IL1R1: variants seen among roughly 807,000 people sequenced by gnomAD.
The protein encoded by IL1R1 is interleukin 1 receptor type 1.
IL1R1 carries 22 observed loss-of-function variants against 50.2 expected under a neutral mutation model. The ratio of observed to expected loss-of-function variants is 0.44; its 90% CI spans 0.31 to 0.63. The LOEUF is 0.63. Ranked by LOEUF, IL1R1 falls within the 20% of genes least tolerant of loss-of-function variation. The pLI is 0.07. For synonymous variants in IL1R1, 251 were observed against 236.7 expected (o/e 1.06, Z -0.55); for missense variants, 509 against 676.2 (o/e 0.75, Z 2.74).
At chr2:102,112,845 T>A (rs1159236030) in intron 1 of IL1R1, among the ~76,000 whole-genome samples, 1 of 152,058 alleles carries the variant, frequency 6.6e-6, no homozygotes, top group Non-Finnish European at 1.5e-5. Flanking sequence ...CCAGTGATGG[T>A]GTTAGGAGGT....
At chr2:102,118,142 G>A (rs1681192997) in intron 1 of IL1R1, among the ~76,000 whole-genome samples, 1 of 152,098 alleles carries the variant, frequency 6.6e-6, no homozygotes, top group South Asian at 2.1e-4. Flanking sequence ...TTAGAAGCTT[G>A]GGAATTTCAG....
At chr2:102,176,273 A>G in intron 11 of IL1R1, 80 bp from the exon 12 acceptor site, 1 of 1,272,872 alleles carries the variant, frequency 7.9e-7, no homozygotes, top group Non-Finnish European at 1.1e-6. Flanking sequence ...CGGTTGTGAA[A>G]AGCCTTGTGT....
chr2:102,155,864 C>T (rs1446073092), intron 2 of IL1R1, among the ~76,000 whole-genome samples: 1 of 152,162 alleles, frequency 6.6e-6, no homozygotes, highest in African/African-American at 2.4e-5. Context: ...TACAGGCCAC[C>T]GGCCCTGGAC....
chr2:102,074,288 T>C (rs1678866314), intron 1 of IL1R1, among the ~76,000 whole-genome samples: 1 of 151,560 alleles, frequency 6.6e-6, no homozygotes. Context: ...GCTGCAGTCC[T>C]GTGGATGCTT....
chr2:102,176,632 C>G lies in IL1R1; in HGVS notation c.1583C>G (p.Thr528Arg). 1 of 1,614,172 alleles carries G rather than the reference C, an allele frequency of 6.2e-7. No homozygotes were observed. Among genetic ancestry groups the G allele is most frequent in the Non-Finnish European group, 8.5e-7 (1 of 1,180,018 alleles). Residue 528 changes from threonine to arginine, a missense_variant, in exon 12 of 12, where the codon ACA becomes AGA. Transcript: ENST00000410023. ...DFTQGPQSAK[T>R]RFWKNVRYHM... ...ACACAGGGACCACAGTCTGCAAAGA[C>G]AAGGTTCTGGAAGAATGTCAGGTAC...
chr2:102,088,186 A>G (rs1407149536), intron 1 of IL1R1, among the ~76,000 whole-genome samples: 1 of 152,222 alleles, frequency 6.6e-6, no homozygotes, highest in Non-Finnish European at 1.5e-5. Flanking sequence ...AATCCTTTCC[A>G]GAAAGTTTTC....
Position 102,121,618 on chromosome 2 carries a change from G to T in IL1R1, c.-84+16746G>T, listed in dbSNP as rs62156383. Among the ~76,000 whole-genome samples the T allele has an allele frequency of 8.8e-3, 1,344 of 152,264 alleles. 10 individuals are homozygous for T. Among genetic ancestry groups the T allele is most frequent in the Non-Finnish European group, 0.015 (993 of 68,022 alleles). ...CAAGTCCAGCCTGGCTTACTCTAGG[G>T]TTTATGGGTCCAGTCTTCCTCCATG... On this transcript the variant is annotated intron_variant, in intron 1 of 10. Coordinates refer to the IL1R1 transcript ENST00000409329.
intron 1 of IL1R1, among the ~76,000 whole-genome samples, chr2:102,092,109 A>G (rs1402827447): frequency 2.0e-5 from 3 of 152,280 alleles, no homozygotes; most frequent in African/African-American, 4.8e-5. Flanking sequence ...TTGCAAACTC[A>G]TCATTTGTTT....
rs1032749207 is a variant in IL1R1 at position 102,179,088 on chromosome 2, A to G, written c.*2329A>G. 6.6e-6 allele frequency: 1 copy of G among 152,322 alleles called. No individual in the cohort carries two copies. Among genetic ancestry groups the G allele is most frequent in the Non-Finnish European group, 1.5e-5 (1 of 68,036 alleles). The allele number at this position is 152,322 out of a possible 1,614,324, so 9.4% of individuals were successfully genotyped here. On this transcript the variant is annotated 3_prime_UTR_variant, in exon 12 of 12. Coordinates refer to ENST00000410023, the MANE Select transcript of IL1R1 (RefSeq NM_000877.4). ...ACAGGGCCTAGCTTTCATTTGACAC[A>G]CAGACTACAGCCAGAAGCCCATGGA...
chr2:102,099,178 G>T (rs931663317), intron 1 of IL1R1, among the ~76,000 whole-genome samples: 16 of 152,136 alleles, frequency 1.1e-4, no homozygotes, highest in Admixed American at 8.5e-4. Context: ...CCTAGTCTTG[G>T]TTTTCCCATA....
intron 1 of IL1R1, among the ~76,000 whole-genome samples, chr2:102,114,827 C>A (rs532224468): frequency 7.6e-4 from 115 of 152,234 alleles, no homozygotes; most frequent in Non-Finnish European, 1.3e-3. Flanking sequence ...AGAGGCAGAC[C>A]TTTACTTTAG....
At chr2:102,107,523 A>G (rs986569569) in intron 1 of IL1R1, among the ~76,000 whole-genome samples, 1 of 152,144 alleles carries the variant, frequency 6.6e-6, no homozygotes, top group Non-Finnish European at 1.5e-5. Context: ...GGATAACATT[A>G]GGAGACATAC....
At chr2:102,126,566 G>C (rs1403429475) in intron 1 of IL1R1, among the ~76,000 whole-genome samples, 1 of 151,900 alleles carries the variant, frequency 6.6e-6, no homozygotes. Context: ...TATCTCCATT[G>C]AGGTCTGGTG....
At chr2:102,140,264 T>C (rs1033560556), upstream of IL1R1, among the ~76,000 whole-genome samples, 1 of 152,212 alleles carries the variant, frequency 6.6e-6, no homozygotes, top group Non-Finnish European at 1.5e-5. Context: ...ACATGGGCCA[T>C]AGGAGATGCT....
chr2:102,093,934 G>A (rs1309114572), intron 1 of IL1R1, among the ~76,000 whole-genome samples: 1 of 152,150 alleles, frequency 6.6e-6, no homozygotes, highest in African/African-American at 2.4e-5. Context: ...GTCCAGCCAC[G>A]CCCGGTTCCA....
intron 1 of IL1R1, among the ~76,000 whole-genome samples, chr2:102,134,527 TGCC>T (rs772340576): frequency 2.0e-5 from 3 of 152,096 alleles, no homozygotes; most frequent in Non-Finnish European, 4.4e-5. Flanking sequence ...TACAGGCATG[TGCC>T]ACCACGCCCA....
Position 102,097,417 on chromosome 2 carries a change from C to T in IL1R1, c.-84+26884C>T, listed in dbSNP as rs988903466. Among the ~76,000 whole-genome samples, 11 of 152,208 alleles carry T rather than the reference C, an allele frequency of 7.2e-5. No individual in the cohort carries two copies. The East Asian group carries it at 1.9e-3, about 27-fold the overall frequency. On this transcript the variant is annotated intron_variant, in intron 1 of 11. Coordinates refer to the IL1R1 transcript ENST00000409929. ...CTCTTTCTGTTTCCTCTATTCTGTT[C>T]CTGGTCTATTTGTATATCCTTGCAA... is the stretch of plus-strand genomic sequence containing the variant.
chr2:102,080,020 T>C (rs1679139406), intron 1 of IL1R1, among the ~76,000 whole-genome samples: 1 of 152,158 alleles, frequency 6.6e-6, no homozygotes, highest in Non-Finnish European at 1.5e-5. Flanking sequence ...TGATGGGACA[T>C]CTGGATATCC....
At chr2:102,134,681 A>G (rs1339363991) in intron 1 of IL1R1, among the ~76,000 whole-genome samples, 2 of 152,186 alleles carry the variant, frequency 1.3e-5, no homozygotes. Context: ...CCCGGCCTGC[A>G]TCACTACTTT....
Sources: allele counts gnomAD v4.1 joint callset (sites outside exome capture counted in the v4.1 genomes callset), GRCh38; gene constraint gnomAD v4.1.1; transcripts MANE v1.5; gene names NCBI Gene and HGNC (gene_info 2026-07-23, HGNC 2026-07-21).